Variants in DMD observed in about 807,000 individuals in gnomAD.
DMD encodes the protein dystrophin.
DMD carries 63 observed loss-of-function variants against 330.1 expected under a neutral mutation model. That is an observed-to-expected ratio of 0.19 (90% confidence interval 0.16 to 0.24). The LOEUF (loss-of-function observed/expected upper bound fraction) is 0.24, where lower values mean the gene tolerates loss of function less well. Ranked by LOEUF, DMD falls within the 10% of genes least tolerant of loss-of-function variation. DMD has a pLI of 1.00. For synonymous variants in DMD, 1,223 were observed against 959.8 expected (o/e 1.27, Z -5.07); for missense variants, 3,344 against 2,684.1 (o/e 1.25, Z -5.43).
intron 41 of DMD, among the ~76,000 whole-genome samples, chrX:32,335,773 G>T (rs941781717): frequency 2.3e-5 from 2 of 88,634 alleles, no homozygotes; most frequent in South Asian, 9.4e-4. Context: ...TATATAAAAC[G>T]TTATATATGT....
chrX:31,896,414 A>G (rs1323655634), intron 47 of DMD, among the ~76,000 whole-genome samples: 2 of 111,870 alleles, frequency 1.8e-5, no homozygotes, highest in Non-Finnish European at 3.8e-5. Context: ...ATATTCTAGT[A>G]TTGCAGAGAT....
rs868752744 is a variant in DMD, at chrX:32,238,475, A to G, written c.6291-21412T>C. On this transcript the variant is annotated intron_variant, in intron 43 of 78. Transcript: ENST00000357033. ...AGAGAGAGAGAGAGAGAGAGAGAGA[A>G]AGAGAGACACAGAGAGAGATAGGCG... Among the ~76,000 whole-genome samples, 150 of 100,176 alleles carry G rather than the reference A, an allele frequency of 1.5e-3. 1 individual carries two copies. The highest frequency in any genetic ancestry group is 4.8e-3 in the African/African-American group (129 of 26,813). The allele number at this position is 100,176 out of a possible 115,157, so 87.0% of individuals were successfully genotyped here.
At chrX:32,829,982 G>A (rs2079032088) in intron 4 of DMD, among the ~76,000 whole-genome samples, 2 of 111,644 alleles carry the variant, frequency 1.8e-5, no homozygotes, top group South Asian at 7.4e-4. Context: ...ATTTATTTTG[G>A]TTGTGTTTTG....
chrX:32,198,657 T>A (rs779667126), intron 44 of DMD, among the ~76,000 whole-genome samples: 5 of 111,968 alleles, frequency 4.5e-5, no homozygotes, highest in Middle Eastern at 4.6e-3. Context: ...CAGTTTTGTC[T>A]TCCTACCAGC....
intron 17 of DMD, among the ~76,000 whole-genome samples, chrX:32,528,887 G>A (rs188506376): frequency 0.02 from 1,881 of 92,836 alleles, 48 homozygotes; most frequent in Admixed American, 0.068. Context: ...TGCCTTTCTG[G>A]ACCAAACCAA....
At chrX:32,789,860 G>A (rs1262318945) in intron 7 of DMD, among the ~76,000 whole-genome samples, 1 of 111,661 alleles carries the variant, frequency 9.0e-6, no homozygotes, top group Non-Finnish European at 1.9e-5. Flanking sequence ...ATCTTTGCAG[G>A]GGAAAAATGT....
intron 1 of DMD, among the ~76,000 whole-genome samples, chrX:33,295,956 C>G (rs1324694618): frequency 9.0e-6 from 1 of 111,507 alleles, no homozygotes; most frequent in African/African-American, 3.2e-5. Flanking sequence ...TATGTGATGA[C>G]AAACTATTTT....
chrX:33,238,903 T>C (rs1296003487), intron 1 of DMD, among the ~76,000 whole-genome samples: 1 of 110,941 alleles, frequency 9.0e-6, no homozygotes, highest in Non-Finnish European at 1.9e-5. Flanking sequence ...TTTGCCTGCA[T>C]GCACCCTTGC....
chrX:32,375,323 C>G (rs2097897448), intron 34 of DMD, among the ~76,000 whole-genome samples: 1 of 112,251 alleles, frequency 8.9e-6, no homozygotes, highest in Non-Finnish European at 1.9e-5. Flanking sequence ...GGTTCCTGTC[C>G]TGTTGCTCAA....
At chrX:32,567,559 C>A (rs972748635) in intron 15 of DMD, among the ~76,000 whole-genome samples, 1 of 111,424 alleles carries the variant, frequency 9.0e-6, no homozygotes, top group Non-Finnish European at 1.9e-5. Context: ...CTAAGCCCAG[C>A]TAATTTTTAA....
chrX:31,580,243 G>A (rs2076280526), intron 55 of DMD, among the ~76,000 whole-genome samples: 1 of 112,224 alleles, frequency 8.9e-6, no homozygotes, highest in African/African-American at 3.2e-5. Context: ...ACCACAGGGG[G>A]AAATAAAACT....
intron 25 of DMD, among the ~76,000 whole-genome samples, chrX:32,455,822 AGTCT>A (rs1453080947): frequency 9.0e-6 from 1 of 111,337 alleles, no homozygotes; most frequent in Admixed American, 9.5e-5. Context: ...GTTGCAAAAG[AGTCT>A]GTCTGTGGTT....
intron 42 of DMD, among the ~76,000 whole-genome samples, chrX:32,299,460 A>G (rs774860868): frequency 2.8e-5 from 2 of 71,965 alleles, no homozygotes; most frequent in South Asian, 1.0e-3. Context: ...CAAAGTGAAT[A>G]ACAAAGTGAA....
chrX:31,152,224 C>G (rs2037515215), intron 74 of DMD, among the ~76,000 whole-genome samples: 1 of 105,225 alleles, frequency 9.5e-6, no homozygotes, highest in African/African-American at 3.7e-5. Context: ...GGTGCAGTGG[C>G]ACGATCTCCG....
At chrX:32,882,512 A>C (rs986051104) in intron 2 of DMD, among the ~76,000 whole-genome samples, 7 of 112,072 alleles carry the variant, frequency 6.2e-5, no homozygotes, top group Admixed American at 1.9e-4. Flanking sequence ...GGTAAGGATG[A>C]TTTCTCATTC....
Position 32,435,211 on chromosome X carries a change from G to GATAT in DMD, c.4071+3026_4071+3029dup, listed in dbSNP as rs57151769. Reference sequence around the variant, plus strand: ...ATTTACCAATCACTGCCCTCAGTGGGATATATATATATGTATATTTACATA... The same window carrying GATAT: ...ATTTACCAATCACTGCCCTCAGTGGGATATATATATATATATGTATATTTACATA... On this transcript the variant is annotated intron_variant, in intron 29 of 78. Transcript: ENST00000357033. Among the ~76,000 whole-genome samples, 693 of 94,660 alleles carry GATAT rather than the reference G, an allele frequency of 7.3e-3. 7 individuals are homozygous for GATAT. Among genetic ancestry groups the GATAT allele is most frequent in the African/African-American group, 0.022 (584 of 26,743 alleles). 82.2% of individuals were successfully genotyped at this position (94,660 alleles called of 115,157 possible).
intron 20 of DMD, among the ~76,000 whole-genome samples, chrX:32,490,788 C>A (rs1237473880): frequency 1.8e-5 from 2 of 111,838 alleles, no homozygotes; most frequent in South Asian, 3.7e-4. Flanking sequence ...TTAAAAATAT[C>A]TTTTTGTAAA....
intron 30 of DMD, among the ~76,000 whole-genome samples, chrX:32,405,160 T>C (rs1271022714): frequency 9.0e-6 from 1 of 111,644 alleles, no homozygotes; most frequent in East Asian, 2.8e-4. Context: ...AGCTACACAT[T>C]AGAATGAATA....
At chrX:32,868,244 C>A (rs2082672117) in intron 2 of DMD, among the ~76,000 whole-genome samples, 1 of 111,774 alleles carries the variant, frequency 8.9e-6, no homozygotes, top group Non-Finnish European at 1.9e-5. Context: ...CACTTGCGAG[C>A]CCATGCCAAC....
Sources: gnomAD v4.1 joint callset for allele counts (sites outside exome capture counted in the v4.1 genomes callset) on GRCh38, gnomAD v4.1.1 for gene constraint, MANE v1.5 for transcripts, NCBI Gene and HGNC (gene_info 2026-07-23, HGNC 2026-07-21) for gene names.